HDAC5: variants seen among roughly 807,000 people sequenced by gnomAD.
The protein encoded by HDAC5 is histone deacetylase 5.
HDAC5 carries 25 observed loss-of-function variants against 133.3 expected under a neutral mutation model. The observed-to-expected ratio is 0.19, with a 90% CI of 0.14 to 0.26. The LOEUF (loss-of-function observed/expected upper bound fraction) is 0.26. HDAC5 is among the 10% of genes least tolerant of loss of function. The probability of loss-of-function intolerance (pLI) is 1.00; values close to 1 mark genes in which losing one functional copy is unlikely to be tolerated. For missense variants in HDAC5, 1,041 were observed against 1,460.5 expected, an observed-to-expected ratio of 0.71 and a Z score of 4.68; for synonymous variants, 589 against 610.8, an observed-to-expected ratio of 0.96 and a Z score of 0.53.
chr17:44,091,256 AC>A lies in HDAC5; in HGVS notation c.1387+13del, dbSNP rs1286274840. 6.3e-7 allele frequency: 1 copy of A among 1,599,520 alleles called. No homozygotes were observed. ...CCTTAGCCCCCTCCCTTGCACAGCT[AC>A]CTGTCCACTCACCAGCAATGAGGGT... On this transcript the variant is annotated intron_variant, in intron 11 of 26. Transcript: ENST00000682912.
intron 1 of HDAC5, among the ~76,000 whole-genome samples, chr17:44,121,126 AG>A (rs949595280): frequency 7.3e-5 from 10 of 137,564 alleles, no homozygotes; most frequent in African/African-American, 2.4e-4. Context: ...AAAAAAAGAG[AG>A]GGGGGTGGTG....
In HDAC5 at chr17:44,093,563, C is replaced by T. The variant is rs763626277; in HGVS notation, c.354+12G>A. 1 of 1,601,182 alleles carries T rather than the reference C, an allele frequency of 6.2e-7. No individual in the cohort carries two copies. The highest frequency in any genetic ancestry group is 1.7e-5 in the Admixed American group (1 of 59,522). On this transcript the variant is annotated intron_variant, in intron 4 of 26. Coordinates refer to ENST00000682912, the MANE Select transcript of HDAC5 (RefSeq NM_005474.5). ...GGAGGTCTGGGCGGCCCCCCGCACC[C>T]CCCTCGCTCACCTTGAGGTGCTTCT...
Position 44,087,626 on chromosome 17 carries a change from G to A in HDAC5, c.1670C>T (p.Thr557Met), listed in dbSNP as rs764073565. 7 of 1,613,464 alleles carry A rather than the reference G, an allele frequency of 4.3e-6. No individual in the cohort carries two copies. Among genetic ancestry groups the A allele is most frequent in the South Asian group, 3.3e-5 (3 of 91,042 alleles). The change falls in exon 13 of 27, where the codon ACG (threonine) becomes ATG (methionine). Residue 557 changes from threonine to methionine, a missense_variant. Thr to Met is a moderately conservative substitution (Grantham distance 81, BLOSUM62 -1). Around this residue, in one of 9 missense-constraint regions of HDAC5, gnomAD observed 433 missense variants for 531.6 expected, o/e 0.81. Coordinates refer to ENST00000682912, the MANE Select transcript of HDAC5 (RefSeq NM_005474.5). The part of the protein sequence containing the change: ...THPEETEEEL[T>M]EQQEVLLGEG... ...CCCCAGCAAGACCTCCTGCTGCTCC[G>A]TCAGCTCCTCCTCTGTCTCCTCAGG...
chr17:44,100,876 C>G (rs1223044229), intron 3 of HDAC5, among the ~76,000 whole-genome samples: 2 of 149,540 alleles, frequency 1.3e-5, no homozygotes, highest in African/African-American at 2.4e-5. Context: ...GCAACCTCCG[C>G]CTTCTGGGTT....
chr17:44,101,073 G>A (rs1009860661), intron 3 of HDAC5, among the ~76,000 whole-genome samples: 3 of 149,910 alleles, frequency 2.0e-5, no homozygotes, highest in Non-Finnish European at 4.4e-5. Flanking sequence ...ACAGGCGTGA[G>A]CCACTGCGCC....
At chr17:44,109,752 C>G (rs1231579666) in intron 3 of HDAC5, among the ~76,000 whole-genome samples, 2 of 152,252 alleles carry the variant, frequency 1.3e-5, no homozygotes, top group Non-Finnish European at 2.9e-5. Flanking sequence ...GGGATGCACA[C>G]CCACATATCC....
chr17:44,104,621 C>T (rs995115683), intron 3 of HDAC5, among the ~76,000 whole-genome samples: 7 of 152,252 alleles, frequency 4.6e-5, no homozygotes, highest in African/African-American at 1.7e-4. Context: ...GGCCATCTCA[C>T]CTGCCTCGCT....
In HDAC5 at chr17:44,091,699, C is replaced by A. The variant is rs1354072310; in HGVS notation, c.1164+1G>T. 1 of 1,556,956 alleles carries A rather than the reference C, an allele frequency of 6.4e-7. No individual in the cohort carries two copies. The highest frequency in any genetic ancestry group is 8.7e-7 in the Non-Finnish European group (1 of 1,153,062). ...AGATGGGGTATATGCCCTGTACTTA[C>A]AGTGAGGTGTGAGTTGGTGACAGTG... is the stretch of plus-strand genomic sequence containing the variant. On this transcript the variant is annotated splice_donor_variant, in intron 10 of 26. Coordinates refer to ENST00000682912, the MANE Select transcript of HDAC5 (RefSeq NM_005474.5). LOFTEE classifies it high-confidence loss of function.
intron 3 of HDAC5, among the ~76,000 whole-genome samples, chr17:44,107,059 C>T (rs2051999942): frequency 6.6e-6 from 1 of 152,150 alleles, no homozygotes; most frequent in Non-Finnish European, 1.5e-5. Flanking sequence ...ATCCTCCTGC[C>T]TCAGCCTCCT....
intron 3 of HDAC5, among the ~76,000 whole-genome samples, chr17:44,101,736 C>A (rs971346288): frequency 2.0e-5 from 3 of 152,162 alleles, no homozygotes; most frequent in African/African-American, 7.2e-5. Context: ...GAGATCTGAA[C>A]GCAGGTGTCC....
intron 2 of HDAC5, among the ~76,000 whole-genome samples, chr17:44,114,947 T>C (rs140543309): frequency 1.3e-5 from 2 of 152,294 alleles, no homozygotes; most frequent in East Asian, 1.9e-4. Context: ...CAAAGGCTGG[T>C]AGGCAGCCCG....
chr17:44,088,450 G>T lies in HDAC5; in HGVS notation c.1536C>A (p.Val512=). The T allele has an allele frequency of 6.3e-7, 1 of 1,599,244 alleles. No homozygotes were observed. The highest frequency in any genetic ancestry group is 1.1e-5 in the South Asian group (1 of 89,044). Residue 512 remains valine, a synonymous_variant, in exon 12 of 27, where the codon GTC becomes GTA. Transcript: ENST00000682912. Reference sequence around the variant, plus strand: ...GGAACTGCTGGTGCTGTTGTTGCATGACCAGCTGCTGCAGGGCCTGGGGAC... The same window carrying T: ...GGAACTGCTGGTGCTGTTGTTGCATTACCAGCTGCTGCAGGGCCTGGGGAC... The part of the protein sequence containing the change: ...PQSPQALQQL[V]MQQQHQQFLE...
At chr17:44,094,509 C>T (rs4793077) in intron 3 of HDAC5, among the ~76,000 whole-genome samples, 104,137 of 151,348 alleles carry the variant, frequency 0.69, 36,701 homozygotes, top group South Asian at 0.88. Flanking sequence ...TGGTGGCACA[C>T]GCCTGTAGTC....
intron 14 of HDAC5, among the ~76,000 whole-genome samples, chr17:44,085,526 G>A (rs1057104695): frequency 2.7e-5 from 4 of 148,932 alleles, no homozygotes; most frequent in Non-Finnish European, 4.5e-5. Context: ...GTTTTTTTTT[G>A]AGACAGAGTC....
chr17:44,118,356 T>G (rs2052778236), intron 1 of HDAC5, among the ~76,000 whole-genome samples: 1 of 152,174 alleles, frequency 6.6e-6, no homozygotes, highest in African/African-American at 2.4e-5. Context: ...CCCAGCACTT[T>G]GTGTATATTG....
intron 21 of HDAC5, 94 bp from the exon 22 acceptor site, chr17:44,080,592 T>TG (rs1287993058): frequency 2.7e-6 from 4 of 1,481,526 alleles, no homozygotes; most frequent in Admixed American, 3.4e-5. Context: ...CTCACTCCAC[T>TG]GACCTCTGCT....
At chr17:44,084,929 A>T in intron 15 of HDAC5, 93 bp downstream of exon 15, 1 of 1,471,688 alleles carries the variant, frequency 6.8e-7, no homozygotes, top group Non-Finnish European at 9.2e-7. Context: ...GGCTGAAGAG[A>T]GGATGAGGAA....
intron 3 of HDAC5, among the ~76,000 whole-genome samples, chr17:44,097,004 G>T (rs958658730): frequency 6.6e-6 from 1 of 152,262 alleles, no homozygotes; most frequent in Non-Finnish European, 1.5e-5. Context: ...TTACAGGCAT[G>T]AGTGACCACA....
At chr17:44,090,357 G>T (rs1477874329) in intron 11 of HDAC5, among the ~76,000 whole-genome samples, 1 of 152,188 alleles carries the variant, frequency 6.6e-6, no homozygotes, top group Non-Finnish European at 1.5e-5. Flanking sequence ...TTAAATATAT[G>T]TGGTGAAATT....
Sources: allele counts gnomAD v4.1 joint callset (sites outside exome capture counted in the v4.1 genomes callset), GRCh38; gene constraint gnomAD v4.1.1; regional missense constraint gnomAD v4.1.1; transcripts MANE v1.5; gene names NCBI Gene and HGNC (gene_info 2026-07-23, HGNC 2026-07-21).